The following RIC1 variants were observed in gnomAD, a reference collection of about 807,000 sequenced individuals.
RIC1 encodes the protein RIC1 partner of RAB6A GEF complex.
In RIC1, 88 loss-of-function variants were observed where a neutral mutation model predicts 169.0. The observed-to-expected ratio is 0.52, with a 90% confidence interval of 0.44 to 0.62. RIC1 has a LOEUF of 0.62. RIC1 is among the 20% of genes least tolerant of loss of function. The pLI, the probability that RIC1 is intolerant of heterozygous loss-of-function variation, is 0.00. For synonymous variants in RIC1, 790 were observed against 601.5 expected, an observed-to-expected ratio of 1.31 and a Z score of -4.59; for missense variants, 1,877 against 1,725.5, an observed-to-expected ratio of 1.09 and a Z score of -1.56.
intron 1 of RIC1, among the ~76,000 whole-genome samples, chr9:5,649,176 C>G (rs931956509): frequency 6.6e-6 from 1 of 152,122 alleles, no homozygotes; most frequent in Non-Finnish European, 1.5e-5. Flanking sequence ...TATCAAGTGT[C>G]TTCTTAGACC....
In RIC1 at chr9:5,693,493, G is replaced by T. The variant is rs1050056012; in HGVS notation, c.332+3455G>T. Reference sequence around the variant, plus strand: ...GTACCTCAAAGATCATTTATTCTTTGGTGAATGAATTTTCCATTTTAGAAA... The same window carrying T: ...GTACCTCAAAGATCATTTATTCTTTTGTGAATGAATTTTCCATTTTAGAAA... On this transcript the variant is annotated intron_variant, in intron 3 of 25. Transcript: ENST00000414202. 4.6e-5 allele frequency among the ~76,000 whole-genome samples: 7 copies of T among 152,058 alleles called. No homozygotes were observed. The South Asian group carries it at 1.2e-3, about 27-fold the overall frequency.
At chr9:5,709,421 C>G (rs1822797956) in intron 3 of RIC1, among the ~76,000 whole-genome samples, 1 of 152,122 alleles carries the variant, frequency 6.6e-6, no homozygotes, top group Non-Finnish European at 1.5e-5. Flanking sequence ...TATCAGCTCC[C>G]TTACTTTCTT....
chr9:5,717,870 G>A (rs1025789139), intron 4 of RIC1, among the ~76,000 whole-genome samples: 62 of 150,714 alleles, frequency 4.1e-4, no homozygotes, highest in Non-Finnish European at 6.8e-4. Flanking sequence ...GCCAGGCGCA[G>A]TGGCTCACGC....
At chr9:5,755,973 T>C (rs1352777825) in intron 15 of RIC1, among the ~76,000 whole-genome samples, 1 of 151,966 alleles carries the variant, frequency 6.6e-6, no homozygotes, top group Admixed American at 6.6e-5. Flanking sequence ...AAAAGGAATA[T>C]TTTATAATAG....
intron 2 of RIC1, among the ~76,000 whole-genome samples, chr9:5,669,191 T>C (rs191254723): frequency 6.6e-6 from 1 of 152,314 alleles, no homozygotes; most frequent in Non-Finnish European, 1.5e-5. Context: ...GATTTCCTTA[T>C]CCTACTCCCA....
intron 2 of RIC1, among the ~76,000 whole-genome samples, chr9:5,675,515 G>A (rs1563889093): frequency 6.6e-6 from 1 of 152,056 alleles, no homozygotes; most frequent in Non-Finnish European, 1.5e-5. Flanking sequence ...AAATTATTTT[G>A]TTACTCTTTA....
At position 5,644,630 on chromosome 9, in the gene RIC1, T is replaced by C. The variant is rs181427921; in HGVS notation, c.145-11953T>C. ...GCTGAATATTTTTCCATTATTTGCA[T>C]ATGCCGCATTTCTATCTCCATTCAC... On this transcript the variant is annotated intron_variant, in intron 1 of 25. Coordinates refer to ENST00000414202, the MANE Select transcript of RIC1 (RefSeq NM_020829.4). 7.4e-4 allele frequency among the ~76,000 whole-genome samples: 113 copies of C among 152,362 alleles called. 1 individual carries two copies. Among genetic ancestry groups the C allele is most frequent in the African/African-American group, 2.6e-3 (109 of 41,594 alleles).
rs768737216 is a variant in RIC1, at chr9:5,768,988, C to T, written c.3156C>T (p.Asp1052=). 4 of 1,610,254 alleles carry T rather than the reference C, an allele frequency of 2.5e-6. No homozygotes were observed. The African/African-American group carries it at 5.4e-5, about 22-fold the overall frequency. ...PSGKRWSKDS[D]CAENMYIDMM... ...CTTACAGATGGAGCAAAGACAGTGA[C>T]TGTGCTGAGAACATGTATATTGACA... The change falls in exon 22 of 26, where the codon GAC becomes GAT. Residue 1052 remains aspartate (D), a synonymous_variant. Transcript: ENST00000414202.
intron 3 of RIC1, among the ~76,000 whole-genome samples, chr9:5,707,734 C>T (rs1232742960): frequency 2.0e-5 from 3 of 151,896 alleles, no homozygotes; most frequent in Non-Finnish European, 2.9e-5. Flanking sequence ...TATATTTTTC[C>T]TTCCTTCCAC....
At position 5,654,402 on chromosome 9, in the gene RIC1, A is replaced by G. The variant is rs573542216; in HGVS notation, c.145-2181A>G. 1.0e-3 allele frequency among the ~76,000 whole-genome samples: 153 copies of G among 152,146 alleles called. 1 individual carries two copies. Among genetic ancestry groups the G allele is most frequent in the African/African-American group, 3.6e-3 (148 of 41,518 alleles). On this transcript the variant is annotated intron_variant, in intron 1 of 25. Coordinates refer to ENST00000414202, the MANE Select transcript of RIC1 (RefSeq NM_020829.4). ...GCTGGGATTACAGGTGACTGCCACC[A>G]TGTCCAGCTAATTTTTGTAATTTTT...
chr9:5,725,845 C>G (rs1017545670), intron 6 of RIC1, among the ~76,000 whole-genome samples: 10 of 152,090 alleles, frequency 6.6e-5, no homozygotes, highest in Admixed American at 5.9e-4. Context: ...GCAGGTTGTT[C>G]AGTTTCATGT....
At chr9:5,756,499 A>AG (rs2131056763) in intron 16 of RIC1, 127 bp downstream of exon 16, 2 of 570,188 alleles carry the variant, frequency 3.5e-6, no homozygotes, top group African/African-American at 3.8e-5. Context: ...AGAGGTAAAA[A>AG]AAGCAAGGAG....
intron 2 of RIC1, among the ~76,000 whole-genome samples, chr9:5,687,056 T>C (rs910856088): frequency 6.6e-6 from 1 of 152,200 alleles, no homozygotes; most frequent in African/African-American, 2.4e-5. Flanking sequence ...CAGATTTCTT[T>C]TCAGTGAACT....
At chr9:5,743,771 T>TA (rs763067543) in intron 10 of RIC1, 34 bp downstream of exon 10, 7 of 1,490,690 alleles carry the variant, frequency 4.7e-6, no homozygotes, top group South Asian at 1.2e-5. Flanking sequence ...GGCATGGTAT[T>TA]AAAAAAACTT....
chr9:5,689,044 CTTTTTTTTTT>C (rs34717277), intron 2 of RIC1, among the ~76,000 whole-genome samples: 2 of 99,056 alleles, frequency 2.0e-5, no homozygotes, highest in Non-Finnish European at 3.7e-5. Context: ...AATACAATTT[CTTTTTTTTTT>C]TTTTTTTTTT....
At chr9:5,766,284 A>G (rs1266042180) in intron 21 of RIC1, among the ~76,000 whole-genome samples, 1 of 152,098 alleles carries the variant, frequency 6.6e-6, no homozygotes, top group Non-Finnish European at 1.5e-5. Context: ...TCAAGGATCC[A>G]CCTGCCTCTG....
chr9:5,745,810 C>G, intron 10 of RIC1, 121 bp from the exon 11 acceptor site: 2 of 820,992 alleles, frequency 2.4e-6, no homozygotes, highest in Non-Finnish European at 3.7e-6. Context: ...TTTCTCCAAC[C>G]TTCACAAATC....
chr9:5,773,239 C>T (rs57331223), intron 25 of RIC1, 159 bp downstream of exon 25: 10,402 of 259,544 alleles, frequency 0.04, 1,068 homozygotes, highest in African/African-American at 0.22. Flanking sequence ...CTTTAGTAAT[C>T]ATTCTATACC....
intron 1 of RIC1, among the ~76,000 whole-genome samples, chr9:5,630,710 T>A (rs1469202442): frequency 6.6e-6 from 1 of 152,256 alleles, no homozygotes; most frequent in East Asian, 1.9e-4. Flanking sequence ...ACAATATGAC[T>A]ATTTTGTCTA....
Sources: gnomAD v4.1 joint callset for allele counts (sites outside exome capture counted in the v4.1 genomes callset) on GRCh38, gnomAD v4.1.1 for gene constraint, MANE v1.5 for transcripts, NCBI Gene and HGNC (gene_info 2026-07-23, HGNC 2026-07-21) for gene names.